Variants in KAT2B observed in about 807,000 individuals in gnomAD.
The protein encoded by KAT2B is histone acetyltransferase KAT2B.
Under a neutral mutation model 105.9 loss-of-function variants are expected in KAT2B, and 36 were observed. The ratio of observed to expected loss-of-function variants is 0.34; its 90% CI spans 0.26 to 0.45. The LOEUF (loss-of-function observed/expected upper bound fraction) is 0.45. Ranked by LOEUF, KAT2B falls within the 20% of genes least tolerant of loss-of-function variation. The pLI, the probability that KAT2B is intolerant of heterozygous loss-of-function variation, is 1.00. For synonymous variants in KAT2B, 397 were observed against 377.9 expected (o/e 1.05, Z -0.59); for missense variants, 820 against 1,021.6 (o/e 0.80, Z 2.69).
rs1699718529 is a variant in KAT2B, at chr3:20,142,887, G to C, written c.2004+2523G>C. On this transcript the variant is annotated intron_variant, in intron 13 of 17. Coordinates refer to ENST00000263754, the MANE Select transcript of KAT2B (RefSeq NM_003884.5). ...AGCATAATTGGGTATCTATGTGCCT[G>C]TGTGTGTGTGTGTGTGTACGTACAT... is the stretch of plus-strand genomic sequence containing the variant. 5.1e-5 allele frequency among the ~76,000 whole-genome samples: 7 copies of C among 137,914 alleles called. 1 individual carries two copies. In the South Asian group the frequency reaches 1.7e-3, roughly 34 times the overall value. The allele number at this position is 137,914 out of a possible 152,430, so 90.5% of individuals were successfully genotyped here. A position where few individuals can be genotyped will look rare whatever the true frequency, so the allele number is the denominator to read the frequency against.
At chr3:20,085,199 A>T (rs2365364) in intron 2 of KAT2B, among the ~76,000 whole-genome samples, 66,095 of 151,286 alleles carry the variant, frequency 0.44, 16,752 homozygotes, top group African/African-American at 0.69. Flanking sequence ...CTATTAATTT[A>T]AAAAAAAAGT....
At chr3:20,094,836 C>G (rs1007791201) in intron 2 of KAT2B, among the ~76,000 whole-genome samples, 1 of 152,096 alleles carries the variant, frequency 6.6e-6, no homozygotes, top group Non-Finnish European at 1.5e-5. Context: ...CTTTAGGGAG[C>G]TTGGTTTTCT....
chr3:20,061,573 A>G (rs929188535), intron 1 of KAT2B, among the ~76,000 whole-genome samples: 4 of 151,934 alleles, frequency 2.6e-5, no homozygotes, highest in Non-Finnish European at 5.9e-5. Flanking sequence ...CATAGCAGCC[A>G]TACCATTTTA....
chr3:20,079,202 CTTTTTTT>C (rs61697250), intron 2 of KAT2B, among the ~76,000 whole-genome samples: 1 of 102,186 alleles, frequency 9.8e-6, no homozygotes, highest in Non-Finnish European at 1.8e-5. Flanking sequence ...CACCTGGCCT[CTTTTTTT>C]TTTTTTTTTT....
intron 7 of KAT2B, among the ~76,000 whole-genome samples, chr3:20,118,133 TA>T (rs926288283): frequency 1.2e-4 from 18 of 146,998 alleles, no homozygotes; most frequent in South Asian, 4.2e-4. Context: ...CATGTATATA[TA>T]AAAAAAAATT....
intron 3 of KAT2B, 24 bp from the exon 4 acceptor site, chr3:20,099,837 CT>C (rs745628527): frequency 9.8e-6 from 13 of 1,332,460 alleles, no homozygotes; most frequent in Non-Finnish European, 1.4e-5. Flanking sequence ...TTTTCTTTTT[CT>C]TTTTTTTAAT....
chr3:20,048,551 A>G (rs1697856025), intron 1 of KAT2B, among the ~76,000 whole-genome samples: 1 of 152,170 alleles, frequency 6.6e-6, no homozygotes, highest in South Asian at 2.1e-4. Context: ...GTGACTATGG[A>G]GGGTGAAATA....
intron 2 of KAT2B, among the ~76,000 whole-genome samples, chr3:20,074,092 G>GA (rs60601452): frequency 0.11 from 16,813 of 149,660 alleles, 1,598 homozygotes; most frequent in South Asian, 0.32. Flanking sequence ...AATGAAGAAT[G>GA]AAAAAAAAAA....
intron 8 of KAT2B, among the ~76,000 whole-genome samples, chr3:20,119,996 G>C (rs1053921886): frequency 6.6e-6 from 1 of 152,162 alleles, no homozygotes; most frequent in African/African-American, 2.4e-5. Context: ...GCTGGGCTTG[G>C]TTGCAAGTTA....
intron 1 of KAT2B, among the ~76,000 whole-genome samples, chr3:20,064,058 T>G (rs1043381760): frequency 6.6e-5 from 10 of 152,224 alleles, no homozygotes; most frequent in Non-Finnish European, 1.2e-4. Flanking sequence ...GGGCTATCTA[T>G]TCTGTTCCAT....
chr3:20,073,177 T>A (rs751686130), intron 2 of KAT2B, among the ~76,000 whole-genome samples: 1 of 152,172 alleles, frequency 6.6e-6, no homozygotes, highest in Non-Finnish European at 1.5e-5. Flanking sequence ...TTTTCCTAGA[T>A]ACTAAAATTT....
chr3:20,044,075 AAAAAAAG>A (rs1163205310), intron 1 of KAT2B, among the ~76,000 whole-genome samples: 12 of 151,996 alleles, frequency 7.9e-5, no homozygotes, highest in Non-Finnish European at 1.3e-4. Context: ...AAAAGAAAAA[AAAAAAAG>A]AAAAAAGAAA....
intron 1 of KAT2B, among the ~76,000 whole-genome samples, chr3:20,041,587 T>C (rs1187364554): frequency 6.6e-6 from 1 of 152,170 alleles, no homozygotes; most frequent in Non-Finnish European, 1.5e-5. Flanking sequence ...GTGGAGGCTG[T>C]GTTCCCGAGG....
intron 5 of KAT2B, among the ~76,000 whole-genome samples, chr3:20,110,130 C>A (rs982206523): frequency 6.6e-6 from 1 of 152,024 alleles, no homozygotes; most frequent in Non-Finnish European, 1.5e-5. Context: ...GCAGCTTGGG[C>A]GCATTAGAAA....
intron 5 of KAT2B, among the ~76,000 whole-genome samples, chr3:20,108,767 C>G (rs1016378349): frequency 6.6e-6 from 1 of 152,196 alleles, no homozygotes; most frequent in African/African-American, 2.4e-5. Flanking sequence ...GTGAGCATTA[C>G]AGCCTGAGCT....
chr3:20,064,822 G>A (rs966932273), intron 1 of KAT2B, among the ~76,000 whole-genome samples: 2 of 152,162 alleles, frequency 1.3e-5, no homozygotes, highest in African/African-American at 4.8e-5. Context: ...TTCTTGCTGT[G>A]GGACATCCTT....
At chr3:20,119,974 C>T (rs1340465420) in intron 8 of KAT2B, among the ~76,000 whole-genome samples, 1 of 152,222 alleles carries the variant, frequency 6.6e-6, no homozygotes, top group African/African-American at 2.4e-5. Context: ...CAGCTAGTCT[C>T]ACTCAATCTT....
chr3:20,041,326 G>C (rs1412967354), intron 1 of KAT2B, among the ~76,000 whole-genome samples: 1 of 152,116 alleles, frequency 6.6e-6, no homozygotes, highest in African/African-American at 2.4e-5. Context: ...TCCGAGGCGA[G>C]GGTCTTGTGG....
Position 20,122,661 on chromosome 3 carries a change from A to G in KAT2B, c.1277-7A>G. The G allele has an allele frequency of 6.2e-7, 1 of 1,610,672 alleles. No homozygotes were observed. The highest frequency in any genetic ancestry group is 8.5e-7 in the Non-Finnish European group (1 of 1,177,970). On this transcript the variant is annotated splice_polypyrimidine_tract_variant and splice_region_variant and intron_variant, in intron 8 of 17. Transcript: ENST00000263754. Reference sequence around the variant, plus strand: ...CCATTGTTTGCCTTTTATTTTGATCATCATAGGAGAAAAGAGGAAAATGAC... The same window carrying G: ...CCATTGTTTGCCTTTTATTTTGATCGTCATAGGAGAAAAGAGGAAAATGAC...
Sources: allele counts gnomAD v4.1 joint callset (sites outside exome capture counted in the v4.1 genomes callset), GRCh38; gene constraint gnomAD v4.1.1; transcripts MANE v1.5; gene names NCBI Gene and HGNC (gene_info 2026-07-23, HGNC 2026-07-21).